ZNF536: variants seen among roughly 807,000 people sequenced by gnomAD.
The protein encoded by ZNF536 is zinc finger protein 536.
In ZNF536, 13 loss-of-function variants were observed where a neutral mutation model predicts 84.5. The ratio of observed to expected loss-of-function variants is 0.15; its 90% CI spans 0.10 to 0.24. The LOEUF is 0.24. Among genes scored for constraint, ZNF536 ranks in the 10% least tolerant of loss-of-function variants. The pLI is 1.00. For missense variants in ZNF536, 1,536 were observed against 1,747.5 expected, an observed-to-expected ratio of 0.88 and a Z score of 2.16; for synonymous variants, 811 against 742.5, an observed-to-expected ratio of 1.09 and a Z score of -1.50.
chr19:30,324,518 G>A (rs1461470357), intron 2 of ZNF536, among the ~76,000 whole-genome samples: 1 of 152,180 alleles, frequency 6.6e-6, no homozygotes, highest in Non-Finnish European at 1.5e-5. Flanking sequence ...CAGTAGCTGA[G>A]ACCACAGGCA....
intron 1 of ZNF536, among the ~76,000 whole-genome samples, chr19:30,646,010 G>A (rs1368786374): frequency 6.6e-5 from 10 of 152,234 alleles, no homozygotes; most frequent in Non-Finnish European, 1.0e-4. Flanking sequence ...TCTAGTCACC[G>A]TCTTCTCCAG....
chr19:30,712,456 T>G (rs924959816), exon 2 of ZNF536: 1 of 151,798 alleles, frequency 6.6e-6, no homozygotes, highest in African/African-American at 2.4e-5. Flanking sequence ...CAATATTTCC[T>G]TGCAGGCTGG....
At chr19:30,383,674 TC>T (rs2049124156) in intron 1 of ZNF536, among the ~76,000 whole-genome samples, 1 of 42,644 alleles carries the variant, frequency 2.3e-5, no homozygotes, top group African/African-American at 7.0e-5. Context: ...CTTTCTTTCT[TC>T]CTTTCTTCCT....
chr19:30,491,099 T>A lies in ZNF536; in HGVS notation c.2171-43748T>A, dbSNP rs1362013046. ...GCCTGTCCAAGGACCTTGGTTGATG[T>A]CGCTAGAGACAATGTTGCCTATCTT... is the stretch of plus-strand genomic sequence containing the variant. On this transcript the variant is annotated intron_variant, in intron 2 of 4. Transcript: ENST00000355537. Among the ~76,000 whole-genome samples, 6 of 152,174 alleles carry A rather than the reference T, an allele frequency of 3.9e-5. No homozygotes were observed. The East Asian group carries it at 1.2e-3, about 29-fold the overall frequency.
intron 2 of ZNF536, among the ~76,000 whole-genome samples, chr19:30,287,290 G>A (rs1422913125): frequency 6.8e-6 from 1 of 147,294 alleles, no homozygotes; most frequent in East Asian, 2.1e-4. Context: ...TGGATGGCTG[G>A]ATGGATGAGT....
intron 2 of ZNF536, among the ~76,000 whole-genome samples, chr19:30,322,923 G>A (rs955608328): frequency 2.2e-4 from 33 of 152,290 alleles, no homozygotes; most frequent in African/African-American, 7.7e-4. Context: ...ATTTGCTGAG[G>A]CTCAAAGCAT....
At chr19:30,573,156 A>C (rs1248289974) in intron 1 of ZNF536, among the ~76,000 whole-genome samples, 1 of 152,150 alleles carries the variant, frequency 6.6e-6, no homozygotes. Flanking sequence ...AGTGAACAGG[A>C]TTTCCAAGGT....
At chr19:30,540,884 C>G (rs1157297162) in intron 3 of ZNF536, among the ~76,000 whole-genome samples, 1 of 152,266 alleles carries the variant, frequency 6.6e-6, no homozygotes, top group Non-Finnish European at 1.5e-5. Context: ...TGCACCCCAG[C>G]TCCTCCTTGA....
chr19:30,302,609 C>T (rs554062118), intron 2 of ZNF536, among the ~76,000 whole-genome samples: 51 of 152,254 alleles, frequency 3.3e-4, no homozygotes, highest in African/African-American at 1.2e-3. Flanking sequence ...AAAGTGTCCT[C>T]TTTGGGAGTC....
At chr19:30,551,243 C>T (rs1232365015) in intron 4 of ZNF536, among the ~76,000 whole-genome samples, 6 of 151,800 alleles carry the variant, frequency 4.0e-5, no homozygotes, top group Non-Finnish European at 8.8e-5. Flanking sequence ...TTCATGAGCT[C>T]ATTATTATTG....
At chr19:30,340,012 C>T (rs945764399) in intron 2 of ZNF536, among the ~76,000 whole-genome samples, 4 of 152,158 alleles carry the variant, frequency 2.6e-5, no homozygotes, top group African/African-American at 9.7e-5. Flanking sequence ...CAGGTGGACT[C>T]CCCATGAATC....
chr19:30,668,284 G>A (rs969364022), intron 1 of ZNF536, among the ~76,000 whole-genome samples: 2 of 152,114 alleles, frequency 1.3e-5, no homozygotes, highest in African/African-American at 4.8e-5. Context: ...GAGTTTGAGG[G>A]GAGGGGGTGT....
At position 30,594,518 on chromosome 19, in the gene ZNF536, C is replaced by T. The variant is rs138650165; in HGVS notation, c.169+45004C>T. ...CCAGCACTAGCTGCTGCCTTTTTTG[C>T]ATAACTGGTAACAAATTGCTTGACT... On this transcript the variant is annotated intron_variant, in intron 1 of 1. Transcript: ENST00000592773. Among the ~76,000 whole-genome samples the T allele has an allele frequency of 8.7e-3, 1,318 of 152,302 alleles. 19 individuals carry two copies. The highest frequency in any genetic ancestry group is 0.029 in the African/African-American group (1,221 of 41,552).
intron 2 of ZNF536, among the ~76,000 whole-genome samples, chr19:30,289,043 T>A (rs968623169): frequency 2.0e-5 from 3 of 152,130 alleles, no homozygotes; most frequent in African/African-American, 7.2e-5. Context: ...TAAGCCAACT[T>A]CTCCATCCCA....
intron 2 of ZNF536, among the ~76,000 whole-genome samples, chr19:30,509,232 G>A (rs2055305761): frequency 6.9e-6 from 1 of 144,690 alleles, no homozygotes; most frequent in Admixed American, 7.0e-5. Flanking sequence ...GTTATATAAT[G>A]TATACAATAT....
At chr19:30,456,621 T>C (rs1302730431) in intron 2 of ZNF536, among the ~76,000 whole-genome samples, 2 of 152,258 alleles carry the variant, frequency 1.3e-5, no homozygotes, top group Non-Finnish European at 2.9e-5. Context: ...CTGTGACTTA[T>C]TTGTTCATTC....
chr19:30,525,042 T>C (rs897641647), intron 2 of ZNF536, among the ~76,000 whole-genome samples: 1 of 152,182 alleles, frequency 6.6e-6, no homozygotes, highest in Non-Finnish European at 1.5e-5. Context: ...CTTATGATAG[T>C]CAGATCTTCG....
chr19:30,284,381 A>G (rs1374830886), intron 2 of ZNF536, among the ~76,000 whole-genome samples: 1 of 152,190 alleles, frequency 6.6e-6, no homozygotes, highest in Non-Finnish European at 1.5e-5. Context: ...AACAAGGGTG[A>G]CTTCTTTCTC....
intron 2 of ZNF536, among the ~76,000 whole-genome samples, chr19:30,301,480 G>A (rs2046182684): frequency 6.6e-6 from 1 of 152,140 alleles, no homozygotes; most frequent in Non-Finnish European, 1.5e-5. Flanking sequence ...CAACTCTTGC[G>A]AATTGCATGA....
Sources: allele counts gnomAD v4.1 joint callset (sites outside exome capture counted in the v4.1 genomes callset), GRCh38; gene constraint gnomAD v4.1.1; transcripts MANE v1.5; gene names NCBI Gene and HGNC (gene_info 2026-07-23, HGNC 2026-07-21).